The following EDA variants were observed in gnomAD, a reference collection of about 807,000 sequenced individuals.
EDA encodes the protein ectodysplasin-A.
In EDA, 2 loss-of-function variants were observed where a neutral mutation model predicts 23.6. The ratio of observed to expected loss-of-function variants is 0.08; its 90% CI spans 0.03 to 0.27. EDA has a LOEUF of 0.27. Among genes scored for constraint, EDA ranks in the 10% least tolerant of loss-of-function variants. The probability of loss-of-function intolerance (pLI) is 1.00; values close to 1 mark genes in which losing one functional copy is unlikely to be tolerated. For missense variants in EDA, 229 were observed against 324.2 expected, an observed-to-expected ratio of 0.71 and a Z score of 2.26; for synonymous variants, 131 against 132.0, an observed-to-expected ratio of 0.99 and a Z score of 0.05.
intron 1 of EDA, among the ~76,000 whole-genome samples, chrX:69,833,652 G>C (rs754534342): frequency 2.7e-5 from 3 of 110,855 alleles, no homozygotes; most frequent in African/African-American, 9.9e-5. Context: ...GGTAGAATTC[G>C]GCTGTGATTC....
chrX:69,995,782 G>GT (rs1308326680), intron 2 of EDA, among the ~76,000 whole-genome samples: 1 of 112,119 alleles, frequency 8.9e-6, no homozygotes, highest in Non-Finnish European at 1.9e-5. Flanking sequence ...TGTTGTTGTT[G>GT]TTTTTGTTTT....
intron 1 of EDA, among the ~76,000 whole-genome samples, chrX:69,878,751 G>A (rs1307305935): frequency 1.0e-5 from 1 of 99,338 alleles, no homozygotes; most frequent in Non-Finnish European, 2.0e-5. Flanking sequence ...CACACACACC[G>A]CAAAGAAACT....
At chrX:70,018,424 G>C (rs1261887615) in intron 2 of EDA, among the ~76,000 whole-genome samples, 1 of 112,096 alleles carries the variant, frequency 8.9e-6, no homozygotes, top group African/African-American at 3.2e-5. Context: ...CAAAGCTGGA[G>C]GCATCATATT....
chrX:69,908,560 C>A (rs2018212101), intron 1 of EDA, among the ~76,000 whole-genome samples: 1 of 109,512 alleles, frequency 9.1e-6, no homozygotes, highest in Non-Finnish European at 1.9e-5. Flanking sequence ...TGGTATCAAC[C>A]AAGGCAAGGT....
chrX:70,030,632 C>A, intron 6 of EDA, 112 bp downstream of exon 6: 1 of 688,211 alleles, frequency 1.5e-6, no homozygotes, highest in South Asian at 2.3e-5. Flanking sequence ...GTACCGTTGG[C>A]ATACGAAGTC....
chrX:69,876,037 G>A (rs1344480612), intron 1 of EDA, among the ~76,000 whole-genome samples: 2 of 111,919 alleles, frequency 1.8e-5, no homozygotes, highest in East Asian at 5.6e-4. Context: ...CACTGCTGGT[G>A]GGAATGTAAA....
At chrX:70,027,745 C>T (rs974383505) in intron 3 of EDA, 112 bp from the exon 4 acceptor site, 9 of 482,438 alleles carry the variant, frequency 1.9e-5, no homozygotes, top group Non-Finnish European at 3.4e-5. Context: ...ATCGCTTGAA[C>T]CCGGGAGGTG....
Position 69,891,325 on chromosome X carries a change from C to T in EDA, c.397-65702C>T, listed in dbSNP as rs758118663. ...TCAACCATTATGGAAAACAGTGTGG[C>T]GATTCCTCAAAGACCTAAGGACAGA... On this transcript the variant is annotated intron_variant, in intron 1 of 7. Transcript: ENST00000374552. Among the ~76,000 whole-genome samples, 4 of 111,749 alleles carry T rather than the reference C, an allele frequency of 3.6e-5. No individual in the cohort carries two copies. The South Asian group carries it at 1.1e-3, about 31-fold the overall frequency.
chrX:69,617,051 T>G (rs1602222973), intron 1 of EDA: 1 of 381,962 alleles, frequency 2.6e-6, no homozygotes, highest in Non-Finnish European at 4.7e-6. Flanking sequence ...CGTGATGAGG[T>G]TCTCTGCCCG....
At chrX:69,711,058 G>A (rs1201933471) in intron 1 of EDA, among the ~76,000 whole-genome samples, 12 of 110,471 alleles carry the variant, frequency 1.1e-4, no homozygotes, top group Non-Finnish European at 2.1e-4. Context: ...AGAGGGCATC[G>A]CTGTCTTGTG....
At chrX:69,972,814 C>G (rs17216448) in intron 2 of EDA, among the ~76,000 whole-genome samples, 34,676 of 110,703 alleles carry the variant, frequency 0.31, 4,275 homozygotes, top group Middle Eastern at 0.5. Context: ...CCATGTAATT[C>G]TCCTTTCTGT....
At chrX:69,718,619 C>G (rs2012444189) in intron 1 of EDA, among the ~76,000 whole-genome samples, 1 of 110,702 alleles carries the variant, frequency 9.0e-6, no homozygotes, top group Non-Finnish European at 1.9e-5. Flanking sequence ...GAATGTTAAG[C>G]CAGCCTTGCA....
intron 1 of EDA, among the ~76,000 whole-genome samples, chrX:69,872,417 G>C (rs370178988): frequency 3.6e-5 from 4 of 111,998 alleles, no homozygotes; most frequent in Non-Finnish European, 7.5e-5. Context: ...AACTTTGAAT[G>C]TGAATGGCCT....
intron 2 of EDA, among the ~76,000 whole-genome samples, chrX:70,012,434 G>A (rs996480556): frequency 8.9e-6 from 1 of 111,857 alleles, no homozygotes; most frequent in East Asian, 2.8e-4. Flanking sequence ...AGCCTCAAGT[G>A]AAAGCAGTGA....
intron 1 of EDA, among the ~76,000 whole-genome samples, chrX:69,885,957 G>A (rs1171646371): frequency 1.8e-5 from 2 of 112,013 alleles, no homozygotes; most frequent in Non-Finnish European, 3.8e-5. Context: ...GCCTTTCTTA[G>A]TAATTGTACA....
chrX:69,775,151 C>G (rs1246215118), intron 1 of EDA, among the ~76,000 whole-genome samples: 1 of 111,637 alleles, frequency 9.0e-6, no homozygotes, highest in Non-Finnish European at 1.9e-5. Context: ...ACTGAAATCC[C>G]TGAAATTTCA....
intron 1 of EDA, among the ~76,000 whole-genome samples, chrX:69,920,492 T>C (rs1412714999): frequency 9.0e-6 from 1 of 111,592 alleles, no homozygotes; most frequent in Non-Finnish European, 1.9e-5. Context: ...TTTCTCAGAC[T>C]TTCCAATGAC....
chrX:69,795,947 A>G lies in EDA; in HGVS notation c.397-161080A>G, dbSNP rs745378621. ...CCCGGTCCACCACCGTTAACACCTC[A>G]GAACTCCTCCAGGGGTCCTGAGGTA... On this transcript the variant is annotated intron_variant, in intron 1 of 7. Coordinates refer to ENST00000374552, the MANE Select transcript of EDA (RefSeq NM_001399.5). Among the ~76,000 whole-genome samples the G allele has an allele frequency of 2.7e-5, 3 of 111,641 alleles. No homozygotes were observed. In the East Asian group the frequency reaches 8.5e-4, roughly 32 times the overall value.
chrX:69,774,183 T>C, intron 1 of EDA, among the ~76,000 whole-genome samples: 1 of 112,035 alleles, frequency 8.9e-6, no homozygotes, highest in Non-Finnish European at 1.9e-5. Context: ...ATGTTCTCTC[T>C]AATCTTTTTG....
Sources: allele counts gnomAD v4.1 joint callset (sites outside exome capture counted in the v4.1 genomes callset), GRCh38; gene constraint gnomAD v4.1.1; transcripts MANE v1.5; gene names NCBI Gene and HGNC (gene_info 2026-07-23, HGNC 2026-07-21).